Variants in INTS4 observed in about 807,000 individuals in gnomAD.
The protein encoded by INTS4 is MSTP093.
In INTS4, 70 loss-of-function variants were observed where a neutral mutation model predicts 119.5. The ratio of observed to expected loss-of-function variants is 0.59; its 90% CI spans 0.48 to 0.71. The LOEUF is 0.71. Among genes scored for constraint, INTS4 ranks in the 30% least tolerant of loss-of-function variants. INTS4 has a pLI of 0.00. For missense variants in INTS4, 867 were observed against 1,173.2 expected (o/e 0.74, Z 3.81); for synonymous variants, 316 against 419.6 (o/e 0.75, Z 3.02).
intron 1 of INTS4, among the ~76,000 whole-genome samples, chr11:77,993,825 C>T (rs1030060554): frequency 6.6e-6 from 1 of 151,974 alleles, no homozygotes; most frequent in Non-Finnish European, 1.5e-5. Context: ...ACCTCCTCTG[C>T]TTGACTTATC....
intron 15 of INTS4, among the ~76,000 whole-genome samples, chr11:77,908,897 C>G (rs1305325423): frequency 6.6e-6 from 1 of 152,188 alleles, no homozygotes; most frequent in Non-Finnish European, 1.5e-5. Flanking sequence ...TAGCCATTCT[C>G]CACTTCTTTA....
intron 15 of INTS4, among the ~76,000 whole-genome samples, chr11:77,914,263 C>G (rs988221316): frequency 2.6e-5 from 4 of 152,212 alleles, no homozygotes; most frequent in Non-Finnish European, 5.9e-5. Flanking sequence ...CTCAGGAAAC[C>G]CAGACCATGA....
intron 8 of INTS4, among the ~76,000 whole-genome samples, chr11:77,944,835 T>C (rs1031575835): frequency 1.3e-5 from 2 of 152,104 alleles, no homozygotes; most frequent in African/African-American, 4.8e-5. Context: ...AAATAAACTA[T>C]TCCAAAATCC....
intron 21 of INTS4, among the ~76,000 whole-genome samples, chr11:77,889,555 A>T (rs1194381921): frequency 6.6e-6 from 1 of 152,170 alleles, no homozygotes; most frequent in Non-Finnish European, 1.5e-5. Flanking sequence ...ATAATAATAA[A>T]ATAAAATAAA....
chr11:77,954,860 G>A (rs1249506081), intron 8 of INTS4, among the ~76,000 whole-genome samples: 1 of 152,134 alleles, frequency 6.6e-6, no homozygotes, highest in Non-Finnish European at 1.5e-5. Flanking sequence ...GGGGGTTTGA[G>A]CCTCCTGAAC....
At chr11:77,959,434 T>C (rs1954410341) in intron 6 of INTS4, among the ~76,000 whole-genome samples, 2 of 152,094 alleles carry the variant, frequency 1.3e-5, no homozygotes, top group South Asian at 4.1e-4. Context: ...ACCTTATATC[T>C]TAAATTCTAC....
chr11:77,952,190 C>T (rs1954212955), intron 8 of INTS4, among the ~76,000 whole-genome samples: 2 of 152,160 alleles, frequency 1.3e-5, no homozygotes, highest in African/African-American at 4.8e-5. Context: ...AGCAGCTTTA[C>T]CTCTTAGCTT....
At chr11:77,966,094 T>C (rs1041980970) in intron 4 of INTS4, among the ~76,000 whole-genome samples, 4 of 152,216 alleles carry the variant, frequency 2.6e-5, no homozygotes, top group Non-Finnish European at 5.9e-5. Flanking sequence ...CATGAACCTG[T>C]TGGTCATCTG....
At chr11:77,929,371 T>C (rs1953590655) in intron 10 of INTS4, among the ~76,000 whole-genome samples, 2 of 152,156 alleles carry the variant, frequency 1.3e-5, no homozygotes. Flanking sequence ...TGGACTTTAG[T>C]ATCACAAGGA....
At chr11:77,917,472 C>T (rs1421858304) in intron 15 of INTS4, among the ~76,000 whole-genome samples, 2 of 151,752 alleles carry the variant, frequency 1.3e-5, no homozygotes, top group Non-Finnish European at 1.5e-5. Context: ...TGCCACCACA[C>T]CTGGCTAATT....
intron 2 of INTS4, chr11:77,987,474 G>C: frequency 3.2e-6 from 1 of 309,392 alleles, no homozygotes; most frequent in Non-Finnish European, 6.5e-6. Flanking sequence ...ATGATTATTG[G>C]TAACAGATCT....
intron 14 of INTS4, among the ~76,000 whole-genome samples, chr11:77,920,720 C>T (rs1404641223): frequency 6.6e-6 from 1 of 151,726 alleles, no homozygotes; most frequent in East Asian, 1.9e-4. Flanking sequence ...GGCGTGGTGG[C>T]AGGCGCCTGT....
chr11:77,922,261 G>C, intron 13 of INTS4, 95 bp downstream of exon 13: 2 of 1,336,774 alleles, frequency 1.5e-6, no homozygotes, highest in Non-Finnish European at 2.0e-6. Context: ...GAAAAGCAAA[G>C]AAAAGAAAAT....
rs984908885 is a variant in INTS4 at position 77,991,139 on chromosome 11, A to G, written c.215T>C (p.Val72Ala). The change falls in exon 2 of 23, where the codon GTA (valine) becomes GCA (alanine). Residue 72 changes from valine (V) to alanine (A), a missense_variant. Val to Ala is a moderately conservative substitution (Grantham distance 64, BLOSUM62 0). This residue lies in a region of INTS4 where 224 missense variants were observed against 231.8 expected (regional missense o/e 0.97). Transcript: ENST00000534064. ...ATAATGTTCCAAGAGAATCCTGACT[A>G]CTCCCTCTACGCTTTCCGCCTCGAC... The part of the protein sequence containing the change: ...KPVEAESVEG[V>A]VRILLEHYYK... 1.9e-6 allele frequency: 3 copies of G among 1,614,012 alleles called. No individual in the cohort carries two copies. Among genetic ancestry groups the G allele is most frequent in the Non-Finnish European group, 2.5e-6 (3 of 1,179,984 alleles).
intron 14 of INTS4, among the ~76,000 whole-genome samples, chr11:77,920,091 G>A (rs575396573): frequency 6.6e-6 from 1 of 151,734 alleles, no homozygotes; most frequent in Admixed American, 6.6e-5. Context: ...TTACAGGTAT[G>A]AGCCACCGCA....
intron 4 of INTS4, among the ~76,000 whole-genome samples, chr11:77,969,714 T>A (rs1855639148): frequency 6.7e-6 from 1 of 148,284 alleles, no homozygotes; most frequent in Non-Finnish European, 1.5e-5. Context: ...TGCACAACCA[T>A]CACCACAGTC....
intron 21 of INTS4, among the ~76,000 whole-genome samples, chr11:77,889,586 G>A (rs1295073109): frequency 6.6e-6 from 1 of 152,138 alleles, no homozygotes; most frequent in East Asian, 1.9e-4. Flanking sequence ...ATGGAGTTCT[G>A]CAGGGTTTGC....
At position 77,961,157 on chromosome 11, in the gene INTS4, AAAAG is replaced by A. The variant is rs1555038563; in HGVS notation, c.472-23_472-20del. On this transcript the variant is annotated intron_variant, in intron 4 of 22. Transcript: ENST00000534064. The stretch of plus-strand genomic sequence containing the variant: ...TCAGATGCTATTAAAAAAAAAAAAA[AAAAG>A]AAAAAAAGAAAAAGAAAAAAAGGAC... The A allele has an allele frequency of 1.3e-6, 2 of 1,536,098 alleles. No individual in the cohort carries two copies. The highest frequency in any genetic ancestry group is 1.7e-6 in the Non-Finnish European group (2 of 1,149,786).
chr11:77,993,927 C>A (rs1856797079), intron 1 of INTS4, among the ~76,000 whole-genome samples: 1 of 152,050 alleles, frequency 6.6e-6, no homozygotes, highest in African/African-American at 2.4e-5. Flanking sequence ...TAGGATCAAC[C>A]CTAGCAACAT....
Sources: gnomAD v4.1 joint callset for allele counts (sites outside exome capture counted in the v4.1 genomes callset) on GRCh38, gnomAD v4.1.1 for gene constraint, gnomAD v4.1.1 regional missense constraint, MANE v1.5 for transcripts, NCBI Gene and HGNC (gene_info 2026-07-23, HGNC 2026-07-21) for gene names.